LSAMP: variants seen among roughly 807,000 people sequenced by gnomAD.
LSAMP encodes limbic system associated membrane protein, also known as limbic system-associated membrane protein.
Under a neutral mutation model 38.6 loss-of-function variants are expected in LSAMP, and 7 were observed. That is an observed-to-expected ratio of 0.18 (90% CI 0.10 to 0.34). The LOEUF is 0.34. Among genes scored for constraint, LSAMP ranks in the 10% least tolerant of loss-of-function variants. LSAMP has a pLI of 1.00. For missense variants in LSAMP, 313 were observed against 420.0 expected (o/e 0.75, Z 2.23); for synonymous variants, 154 against 166.8 (o/e 0.92, Z 0.59).
intron 2 of LSAMP, among the ~76,000 whole-genome samples, chr3:116,030,767 C>T (rs1940899789): frequency 6.6e-6 from 1 of 152,046 alleles, no homozygotes; most frequent in African/African-American, 2.4e-5. Flanking sequence ...GAAAAGTGTA[C>T]TTTTCCCCTT....
Position 115,812,392 on chromosome 3 carries a change from A to G in LSAMP, c.920-1978T>C, listed in dbSNP as rs187241015. On this transcript the variant is annotated intron_variant, in intron 6 of 6. Transcript: ENST00000490035. The stretch of plus-strand genomic sequence containing the variant: ...AATGAGATTCTGTATCTTGCATGAA[A>G]GCACCCGATTAGTAATTGTTGACCA... Among the ~76,000 whole-genome samples the G allele has an allele frequency of 6.0e-4, 91 of 152,260 alleles. 1 individual carries two copies. Among genetic ancestry groups the G allele is most frequent in the Non-Finnish European group, 6.0e-4 (41 of 68,024 alleles).
chr3:116,131,690 C>T (rs945509084), intron 1 of LSAMP, among the ~76,000 whole-genome samples: 4 of 152,144 alleles, frequency 2.6e-5, no homozygotes, highest in African/African-American at 9.7e-5. Context: ...CAATAATCTT[C>T]CTCGTTGCTT....
chr3:116,146,912 T>C (rs1012487564), intron 1 of LSAMP, among the ~76,000 whole-genome samples: 1 of 151,916 alleles, frequency 6.6e-6, no homozygotes, highest in Non-Finnish European at 1.5e-5. Flanking sequence ...ACTCGAACAC[T>C]ACTTATCAGA....
In LSAMP at chr3:116,084,868, T is replaced by C. The variant is rs974560732; in HGVS notation, c.388+1456A>G. Among the ~76,000 whole-genome samples, 49 of 152,134 alleles carry C rather than the reference T, an allele frequency of 3.2e-4. 3 individuals carry two copies. The highest frequency in any genetic ancestry group is 4.4e-5 in the Non-Finnish European group (3 of 68,006). ...ATAATCTGAATAACTGGTCAGTAGG[T>C]AAAATCTGTTCTAAGTGATCCTAAG... On this transcript the variant is annotated intron_variant, in intron 2 of 6. Coordinates refer to ENST00000490035, the MANE Select transcript of LSAMP (RefSeq NM_002338.5).
chr3:115,964,697 T>C (rs1489363768), intron 3 of LSAMP, among the ~76,000 whole-genome samples: 1 of 152,038 alleles, frequency 6.6e-6, no homozygotes, highest in Non-Finnish European at 1.5e-5. Context: ...ATTGGGTGAA[T>C]ACAGAATGAA....
chr3:115,837,532 T>G (rs1934833943), intron 6 of LSAMP, among the ~76,000 whole-genome samples: 1 of 152,044 alleles, frequency 6.6e-6, no homozygotes, highest in Non-Finnish European at 1.5e-5. Context: ...ATCATCGAAC[T>G]AACCTGGTGG....
At chr3:116,188,298 C>T (rs1277641755) in intron 1 of LSAMP, among the ~76,000 whole-genome samples, 1 of 152,066 alleles carries the variant, frequency 6.6e-6, no homozygotes, top group Non-Finnish European at 1.5e-5. Flanking sequence ...TCCAGGGAGA[C>T]CCCCCAGGAA....
intron 1 of LSAMP, among the ~76,000 whole-genome samples, chr3:116,174,193 T>C (rs1710278507): frequency 6.6e-6 from 1 of 151,980 alleles, no homozygotes; most frequent in Non-Finnish European, 1.5e-5. Flanking sequence ...CTTATAAACT[T>C]CCCAAGACAA....
chr3:116,421,575 C>A (rs1230927489), intron 1 of LSAMP, among the ~76,000 whole-genome samples: 2 of 150,308 alleles, frequency 1.3e-5, no homozygotes, highest in Non-Finnish European at 3.0e-5. Flanking sequence ...GAAGAGTTCT[C>A]AAAATTCAAT....
intron 2 of LSAMP, among the ~76,000 whole-genome samples, chr3:116,062,526 T>A (rs897816215): frequency 2.0e-5 from 3 of 151,810 alleles, no homozygotes; most frequent in Admixed American, 2.0e-4. Flanking sequence ...AAAAAAAAAT[T>A]AAAAATTAAA....
At chr3:116,426,949 G>GT (rs2049204610) in intron 1 of LSAMP, among the ~76,000 whole-genome samples, 1 of 151,274 alleles carries the variant, frequency 6.6e-6, no homozygotes, top group Non-Finnish European at 1.5e-5. Flanking sequence ...ATCTCCTGGG[G>GT]TTTTTCTGGT....
At chr3:116,398,246 G>T (rs2048794550) in intron 1 of LSAMP, among the ~76,000 whole-genome samples, 1 of 152,090 alleles carries the variant, frequency 6.6e-6, no homozygotes. Context: ...ACACTGCTTA[G>T]TTAGATAATA....
chr3:116,007,851 G>C (rs866125069), intron 3 of LSAMP, among the ~76,000 whole-genome samples: 4 of 152,150 alleles, frequency 2.6e-5, no homozygotes, highest in Non-Finnish European at 5.9e-5. Flanking sequence ...ATCACCTGAA[G>C]GGCATGTTAA....
intron 6 of LSAMP, among the ~76,000 whole-genome samples, chr3:115,818,347 C>T (rs986622770): frequency 1.9e-4 from 29 of 152,234 alleles, no homozygotes; most frequent in Admixed American, 1.3e-4. Context: ...CCTCAATCCT[C>T]GATGAGGCCA....
chr3:116,011,714 T>C (rs548374245), intron 3 of LSAMP, among the ~76,000 whole-genome samples: 1 of 152,294 alleles, frequency 6.6e-6, no homozygotes, highest in Non-Finnish European at 1.5e-5. Context: ...GAATTAGTAG[T>C]TTCCAAGGAA....
At chr3:116,226,114 T>C (rs2046339196) in intron 1 of LSAMP, among the ~76,000 whole-genome samples, 1 of 152,222 alleles carries the variant, frequency 6.6e-6, no homozygotes, top group African/African-American at 2.4e-5. Flanking sequence ...ATTCTATTTC[T>C]AATTCTCCCC....
At chr3:116,408,123 G>A (rs1020246614) in intron 1 of LSAMP, among the ~76,000 whole-genome samples, 4 of 151,958 alleles carry the variant, frequency 2.6e-5, no homozygotes, top group African/African-American at 7.2e-5. Context: ...AAAGAAAGAT[G>A]CATCAAATAC....
intron 1 of LSAMP, among the ~76,000 whole-genome samples, chr3:116,095,697 G>A (rs906801916): frequency 3.3e-5 from 5 of 152,202 alleles, no homozygotes; most frequent in African/African-American, 1.2e-4. Flanking sequence ...CCCAGTCACA[G>A]CTGGAGTTAG....
intron 3 of LSAMP, among the ~76,000 whole-genome samples, chr3:116,011,965 A>T (rs527537723): frequency 6.6e-6 from 1 of 152,202 alleles, no homozygotes; most frequent in Non-Finnish European, 1.5e-5. Context: ...CTCACGAGGG[A>T]TATTGGAATA....
Sources: allele counts gnomAD v4.1 joint callset (sites outside exome capture counted in the v4.1 genomes callset), GRCh38; gene constraint gnomAD v4.1.1; transcripts MANE v1.5; gene names NCBI Gene and HGNC (gene_info 2026-07-23, HGNC 2026-07-21).